MYH7B: variants seen among roughly 807,000 people sequenced by gnomAD.
MYH7B encodes myosin-7B.
In MYH7B, 205 loss-of-function variants were observed where a neutral mutation model predicts 234.5. The observed-to-expected ratio is 0.87, with a 90% CI of 0.78 to 0.98. The LOEUF (loss-of-function observed/expected upper bound fraction) is 0.98, where lower values mean the gene tolerates loss of function less well. Among genes scored for constraint, MYH7B ranks in the 50% least tolerant of loss-of-function variants. The probability of loss-of-function intolerance (pLI) is 0.00; values close to 1 mark genes in which losing one functional copy is unlikely to be tolerated. For synonymous variants in MYH7B, 1,193 were observed against 1,105.0 expected (o/e 1.08, Z -1.58); for missense variants, 2,652 against 2,633.4 (o/e 1.01, Z -0.15).
intron 8 of MYH7B, 128 bp from the exon 9 acceptor site, chr20:34,980,904 GC>G: frequency 1.2e-5 from 18 of 1,497,792 alleles, no homozygotes; most frequent in Non-Finnish European, 1.5e-5. Context: ...ACTAGGGACA[GC>G]CCCACCTGCT....
exon 36 of MYH7B, chr20:34,999,061 A>G: frequency 6.2e-7 from 1 of 1,608,138 alleles, no homozygotes; most frequent in Non-Finnish European, 8.5e-7. Context: ...CCTAGAAAAA[A>G]GCTGGCACTG....
chr20:34,960,527 A>G (rs904262527), intron 2 of MYH7B, among the ~76,000 whole-genome samples: 3 of 152,152 alleles, frequency 2.0e-5, no homozygotes, highest in Non-Finnish European at 4.4e-5. Flanking sequence ...GAGCCACCGC[A>G]CCCAGCCACT....
At chr20:34,975,801 T>C (rs1259182192) in intron 3 of MYH7B, among the ~76,000 whole-genome samples, 1 of 152,190 alleles carries the variant, frequency 6.6e-6, no homozygotes, top group African/African-American at 2.4e-5. Context: ...CTGCAAGCTC[T>C]GCCTCCCGGG....
At chr20:34,983,298 C>CTTTTTTTTTTTTTT (rs57589264) in intron 10 of MYH7B, among the ~76,000 whole-genome samples, 1 of 71,664 alleles carries the variant, frequency 1.4e-5, no homozygotes, top group Non-Finnish European at 3.5e-5. Flanking sequence ...CTTTTCTTTT[C>CTTTTTTTTTTTTTT]TTTTTTTTTT....
chr20:34,999,750 T>TACCC, intron 37 of MYH7B, 41 bp from the exon 38 acceptor site: 1 of 1,320,530 alleles, frequency 7.6e-7, no homozygotes, highest in South Asian at 1.4e-5. Flanking sequence ...CCACTGGCCA[T>TACCC]CCCCCCCCCC....
chr20:34,983,293 C>CTTTTTTTTTT (rs1569038490), intron 10 of MYH7B, among the ~76,000 whole-genome samples: 1 of 100,362 alleles, frequency 1.0e-5, no homozygotes, highest in South Asian at 3.5e-4. Context: ...CTTTTCTTTT[C>CTTTTTTTTTT]TTTTCTTTTT....
At chr20:34,969,670 G>A (rs1430904652) in intron 2 of MYH7B, among the ~76,000 whole-genome samples, 2 of 149,122 alleles carry the variant, frequency 1.3e-5, no homozygotes, top group African/African-American at 2.5e-5. Context: ...TCAGCCTCCC[G>A]AGTAGCTGGA....
chr20:34,995,955 G>C (rs921444964), intron 28 of MYH7B, among the ~76,000 whole-genome samples: 1 of 152,234 alleles, frequency 6.6e-6, no homozygotes, highest in Non-Finnish European at 1.5e-5. Context: ...TGGCCCCTGT[G>C]GTTCCCAGTG....
Position 34,982,556 on chromosome 20 carries a change from G to C in MYH7B, c.624+1G>C, listed in dbSNP as rs1050997719. ...GGGAGACGGGCCGGGCAAGAAGGCCGTAAGACTTGCCCACTCGGGCATGCT... is the reference window on the plus strand; with the variant it reads ...GGGAGACGGGCCGGGCAAGAAGGCCCTAAGACTTGCCCACTCGGGCATGCT... On this transcript the variant is annotated splice_donor_variant, in intron 10 of 44. Transcript: ENST00000262873. LOFTEE classifies it high-confidence loss of function. 7 of 1,594,316 alleles carry C rather than the reference G, an allele frequency of 4.4e-6. No individual in the cohort carries two copies. Among genetic ancestry groups the C allele is most frequent in the East Asian group, 2.3e-5 (1 of 43,886 alleles).
chr20:35,001,969 C>G (rs763957780), exon 44 of MYH7B: 1 of 1,613,636 alleles, frequency 6.2e-7, no homozygotes, highest in South Asian at 1.1e-5. Flanking sequence ...CAACACCAAC[C>G]TGGCCAAGTA....
exon 27 of MYH7B, chr20:34,994,271 C>A: frequency 6.2e-7 from 1 of 1,612,764 alleles, no homozygotes; most frequent in Non-Finnish European, 8.5e-7. Context: ...GAGGAGCTGG[C>A]GGCCCTGCGG....
chr20:34,999,024 TG>T, intron 35 of MYH7B, 31 bp from the exon 36 acceptor site: 1 of 1,589,424 alleles, frequency 6.3e-7, no homozygotes, highest in Non-Finnish European at 8.6e-7. Context: ...CCTCCTTCCA[TG>T]GTCCACACCT....
At chr20:34,987,569 C>A in exon 17 of MYH7B, 1 of 1,612,900 alleles carries the variant, frequency 6.2e-7, no homozygotes, top group Non-Finnish European at 8.5e-7. Flanking sequence ...GCTGACAAGG[C>A]TGCCTACCTG....
At chr20:34,976,036 G>T (rs992919902) in intron 3 of MYH7B, among the ~76,000 whole-genome samples, 1 of 152,216 alleles carries the variant, frequency 6.6e-6, no homozygotes, top group African/African-American at 2.4e-5. Context: ...TTTTAAATGT[G>T]TTCATGTAAT....
chr20:34,996,298 C>CA, intron 28 of MYH7B, 48 bp from the exon 29 acceptor site: 2 of 1,543,206 alleles, frequency 1.3e-6, no homozygotes, highest in South Asian at 1.2e-5. Flanking sequence ...GGTGGCCGCT[C>CA]AGAGTGCGGG....
chr20:34,964,656 C>T (rs949934779), intron 2 of MYH7B, among the ~76,000 whole-genome samples: 2 of 152,146 alleles, frequency 1.3e-5, no homozygotes, highest in African/African-American at 2.4e-5. Context: ...CGGTGGCTCA[C>T]GCCTGTAATC....
chr20:34,962,972 C>T (rs1034712321), intron 2 of MYH7B, among the ~76,000 whole-genome samples: 3 of 152,210 alleles, frequency 2.0e-5, no homozygotes, highest in Non-Finnish European at 2.9e-5. Context: ...GTGGCGCACA[C>T]CTGTAGTCCC....
chr20:34,997,734 T>A (rs2147234072), intron 32 of MYH7B, 94 bp downstream of exon 32: 1 of 1,454,866 alleles, frequency 6.9e-7, no homozygotes, highest in African/African-American at 1.4e-5. Context: ...CTCCACCCAG[T>A]ACCTTATCCT....
At chr20:34,977,515 C>T (rs1028224783) in intron 3 of MYH7B, 117 bp from the exon 4 acceptor site, 14 of 917,110 alleles carry the variant, frequency 1.5e-5, no homozygotes, top group Non-Finnish European at 2.4e-5. Context: ...AAAAATAGCC[C>T]AGGGGCCGTG....
Sources: gnomAD v4.1 joint callset for allele counts (sites outside exome capture counted in the v4.1 genomes callset) on GRCh38, gnomAD v4.1.1 for gene constraint, MANE v1.5 for transcripts, NCBI Gene and HGNC (gene_info 2026-07-23, HGNC 2026-07-21) for gene names.